Variants in PDE3A observed in about 807,000 individuals in gnomAD.
PDE3A encodes the protein phosphodiesterase 3A, also known as cGMP-inhibited 3',5'-cyclic phosphodiesterase 3A.
PDE3A carries 43 observed loss-of-function variants against 98.3 expected under a neutral mutation model. The observed-to-expected ratio is 0.44, with a 90% confidence interval of 0.34 to 0.56. The LOEUF (loss-of-function observed/expected upper bound fraction) is 0.56, where lower values mean the gene tolerates loss of function less well. Among genes scored for constraint, PDE3A ranks in the 20% least tolerant of loss-of-function variants. The pLI is 0.01. For synonymous variants in PDE3A, 663 were observed against 567.9 expected, an observed-to-expected ratio of 1.17 and a Z score of -2.38; for missense variants, 1,427 against 1,440.7, an observed-to-expected ratio of 0.99 and a Z score of 0.15.
At chr12:20,375,591 C>A (rs1287020285) in intron 1 of PDE3A, among the ~76,000 whole-genome samples, 2 of 151,910 alleles carry the variant, frequency 1.3e-5, no homozygotes. Context: ...CTACCCATAG[C>A]TAATGTTACC....
At chr12:20,529,902 C>T (rs554107204) in intron 1 of PDE3A, among the ~76,000 whole-genome samples, 5 of 152,256 alleles carry the variant, frequency 3.3e-5, no homozygotes, top group Admixed American at 2.6e-4. Context: ...CAGTTTAATT[C>T]CCAGGTTCAG....
chr12:20,630,353 T>C (rs1462589871), intron 6 of PDE3A, among the ~76,000 whole-genome samples: 1 of 152,216 alleles, frequency 6.6e-6, no homozygotes, highest in Non-Finnish European at 1.5e-5. Context: ...AGCCAATCTT[T>C]AGAGAGGATA....
At chr12:20,550,287 C>T (rs921466970) in intron 1 of PDE3A, among the ~76,000 whole-genome samples, 4 of 152,198 alleles carry the variant, frequency 2.6e-5, no homozygotes, top group Non-Finnish European at 5.9e-5. Context: ...TTTTGTAAAT[C>T]TTCCAGAAGA....
chr12:20,616,235 GAGA>G lies in PDE3A; in HGVS notation c.1278_1280del (p.Arg427del). Reference sequence around the variant, plus strand: ...AAGTCAAGTCTCTTTCCTAGCGCCTGAGAAGGAGTTTGCCTCCTGGCTTGTTGA... The same window carrying G: ...AAGTCAAGTCTCTTTCCTAGCGCCTGAGGAGTTTGCCTCCTGGCTTGTTGA... On this transcript the variant is annotated inframe_deletion, in exon 4 of 16. Transcript: ENST00000359062. The G allele has an allele frequency of 6.2e-7, 1 of 1,613,856 alleles. No individual in the cohort carries two copies. Among genetic ancestry groups the G allele is most frequent in the Non-Finnish European group, 8.5e-7 (1 of 1,179,856 alleles).
intron 3 of PDE3A, among the ~76,000 whole-genome samples, chr12:20,614,614 A>G (rs1943954222): frequency 6.6e-6 from 1 of 152,136 alleles, no homozygotes; most frequent in African/African-American, 2.4e-5. Context: ...AAGGAAATGG[A>G]GAGAGAGATT....
At chr12:20,542,757 TAAGA>T (rs1941952281) in intron 1 of PDE3A, among the ~76,000 whole-genome samples, 3 of 152,166 alleles carry the variant, frequency 2.0e-5, no homozygotes, top group Middle Eastern at 3.4e-3. Context: ...CAATTTTTTC[TAAGA>T]AAGGAGATCA....
chr12:20,405,075 G>A (rs1944208920), intron 1 of PDE3A, among the ~76,000 whole-genome samples: 1 of 152,052 alleles, frequency 6.6e-6, no homozygotes, highest in Admixed American at 6.6e-5. Context: ...TTGGTGTGAA[G>A]GAGGGATAAG....
intron 10 of PDE3A, among the ~76,000 whole-genome samples, chr12:20,643,467 A>C (rs1489992175): frequency 6.6e-6 from 1 of 152,192 alleles, no homozygotes; most frequent in African/African-American, 2.4e-5. Context: ...GTACATGCTA[A>C]GTGAATATTT....
chr12:20,670,984 C>G (rs1274500938), intron 15 of PDE3A, among the ~76,000 whole-genome samples: 1 of 116,516 alleles, frequency 8.6e-6, no homozygotes, highest in Non-Finnish European at 1.7e-5. Flanking sequence ...AGAGAAGAAT[C>G]AAATAGACGC....
At chr12:20,438,571 A>C in intron 1 of PDE3A, among the ~76,000 whole-genome samples, 1 of 152,190 alleles carries the variant, frequency 6.6e-6, no homozygotes. Flanking sequence ...TGAAGTAGAA[A>C]TGTTGGAGTG....
At chr12:20,386,501 TTTC>T (rs987138617) in intron 1 of PDE3A, among the ~76,000 whole-genome samples, 2 of 151,404 alleles carry the variant, frequency 1.3e-5, no homozygotes, top group African/African-American at 2.4e-5. Context: ...TTTTTTCTTT[TTTC>T]TTCTTTCTTT....
chr12:20,369,703 T>C lies in PDE3A; in HGVS notation c.419T>C (p.Leu140Pro). ...CCCTCGGCGCTGCTCTTCAGTCTCC[T>C]GTGTGCCTTCTTCTGGATGGGCTTG... is the stretch of plus-strand genomic sequence containing the variant. ...LQPSALLFSL[L>P]CAFFWMGLYL... The change falls in exon 1 of 16, where the codon CTG becomes CCG. Residue 140 changes from leucine to proline, a missense_variant. Physicochemically the swap from Leu to Pro is moderately conservative, Grantham distance 98. This residue lies in a region of PDE3A where 1,012 missense variants were observed against 886.5 expected (regional missense o/e 1.14). Transcript: ENST00000359062. The C allele has an allele frequency of 6.2e-7, 1 of 1,612,052 alleles. No individual in the cohort carries two copies. The highest frequency in any genetic ancestry group is 1.3e-5 in the African/African-American group (1 of 75,028).
At chr12:20,551,828 G>T (rs1353859629) in intron 1 of PDE3A, 2 of 1,613,850 alleles carry the variant, frequency 1.2e-6, no homozygotes, top group Non-Finnish European at 1.7e-6. Flanking sequence ...TGGGACAAGG[G>T]CATGGCCTGT....
rs965378808 is a variant in PDE3A at position 20,604,410 on chromosome 12, T to C, written c.1012-9033T>C. On this transcript the variant is annotated intron_variant, in intron 2 of 15. Coordinates refer to ENST00000359062, the MANE Select transcript of PDE3A (RefSeq NM_000921.5). ...AACTTTCTCTTATATCCCAACGTTTTAAAACTCTGCTTTCCAACTTCCCAC... is the reference window on the plus strand; with the variant it reads ...AACTTTCTCTTATATCCCAACGTTTCAAAACTCTGCTTTCCAACTTCCCAC... 3.3e-5 allele frequency among the ~76,000 whole-genome samples: 5 copies of C among 152,270 alleles called. 1 individual carries two copies. The highest frequency in any genetic ancestry group is 3.3e-4 in the Admixed American group (5 of 15,288).
At chr12:20,635,217 G>A (rs375737503) in intron 8 of PDE3A, among the ~76,000 whole-genome samples, 161 bp downstream of exon 8, 2 of 152,036 alleles carry the variant, frequency 1.3e-5, no homozygotes, top group African/African-American at 4.8e-5. Flanking sequence ...TCAGGAGTTC[G>A]AGACCAGCCT....
At chr12:20,639,093 G>C (rs956161170) in intron 9 of PDE3A, among the ~76,000 whole-genome samples, 1 of 152,012 alleles carries the variant, frequency 6.6e-6, no homozygotes, top group African/African-American at 2.4e-5. Context: ...TAGAAAAGTG[G>C]TTATGATAGC....
At position 20,680,172 on chromosome 12, in the gene PDE3A, G is replaced by A; in HGVS notation, c.3327G>A (p.Gln1109=). 1 of 1,613,860 alleles carries A rather than the reference G, an allele frequency of 6.2e-7. No homozygotes were observed. The highest frequency in any genetic ancestry group is 2.2e-5 in the East Asian group (1 of 44,856). The change falls in exon 16 of 16, where the codon CAG becomes CAA. Residue 1109 remains glutamine, a synonymous_variant. Transcript: ENST00000359062. ...ATCAATCCCTGGACCAGACCCCTCA[G>A]TCGCACTCTTCAGAACAGATCCAGG... is the stretch of plus-strand genomic sequence containing the variant. The part of the protein sequence containing the change: ...IENQSLDQTP[Q]SHSSEQIQAI...
chr12:20,523,665 G>A (rs899919993), intron 1 of PDE3A, among the ~76,000 whole-genome samples: 79 of 152,168 alleles, frequency 5.2e-4, no homozygotes, highest in African/African-American at 1.5e-3. Context: ...ACCCTGAGCT[G>A]TTGACCAAAG....
chr12:20,416,076 T>TCA (rs1276629294), intron 1 of PDE3A, among the ~76,000 whole-genome samples: 2 of 152,206 alleles, frequency 1.3e-5, no homozygotes, highest in Admixed American at 6.5e-5. Context: ...TATTTAGAAA[T>TCA]ACAAAATCAA....
Sources: allele counts gnomAD v4.1 joint callset (sites outside exome capture counted in the v4.1 genomes callset), GRCh38; gene constraint gnomAD v4.1.1; regional missense constraint gnomAD v4.1.1; transcripts MANE v1.5; gene names NCBI Gene and HGNC (gene_info 2026-07-23, HGNC 2026-07-21).